RUNDC3B: variants seen among roughly 807,000 people sequenced by gnomAD.
RUNDC3B encodes RUN domain-containing protein 3B.
RUNDC3B carries 33 observed loss-of-function variants against 58.4 expected under a neutral mutation model. The ratio of observed to expected loss-of-function variants is 0.56; its 90% CI spans 0.43 to 0.75. RUNDC3B has a LOEUF of 0.75. Among genes scored for constraint, RUNDC3B ranks in the 30% least tolerant of loss-of-function variants. The pLI, the probability that RUNDC3B is intolerant of heterozygous loss-of-function variation, is 0.00. For synonymous variants in RUNDC3B, 193 were observed against 195.2 expected, an observed-to-expected ratio of 0.99 and a Z score of 0.10; for missense variants, 501 against 535.7, an observed-to-expected ratio of 0.94 and a Z score of 0.64.
intron 7 of RUNDC3B, among the ~76,000 whole-genome samples, chr7:87,777,336 G>A (rs984920403): frequency 2.0e-5 from 3 of 152,338 alleles, no homozygotes; most frequent in African/African-American, 2.4e-5. Context: ...AGGACACATA[G>A]CTGATAAGTG....
chr7:87,798,366 G>A lies in RUNDC3B; in HGVS notation c.957-9007G>A, dbSNP rs573059753. Among the ~76,000 whole-genome samples the A allele has an allele frequency of 2.6e-5, 4 of 152,232 alleles. No individual in the cohort carries two copies. The East Asian group carries it at 7.7e-4, about 29-fold the overall frequency. ...CCTCCCCATAGGTCACCCATTTTCT[G>A]TATGATATTACAAAACACTTCTTGT... On this transcript the variant is annotated intron_variant, in intron 8 of 10. Transcript: ENST00000394654.
chr7:87,706,436 A>G (rs531394200), intron 3 of RUNDC3B, among the ~76,000 whole-genome samples: 13 of 152,312 alleles, frequency 8.5e-5, no homozygotes, highest in African/African-American at 2.6e-4. Context: ...GTCGATCCCA[A>G]AGGTAAGAAA....
chr7:87,796,780 C>T (rs1403841488), intron 8 of RUNDC3B, among the ~76,000 whole-genome samples: 1 of 152,098 alleles, frequency 6.6e-6, no homozygotes, highest in African/African-American at 2.4e-5. Context: ...TACTACTAGA[C>T]CTGCCTTGCA....
intron 6 of RUNDC3B, among the ~76,000 whole-genome samples, chr7:87,768,171 A>G (rs899013618): frequency 2.0e-5 from 3 of 152,154 alleles, no homozygotes; most frequent in African/African-American, 7.2e-5. Flanking sequence ...CTGCATCTGC[A>G]GTAGTAGGTC....
chr7:87,818,598 G>A (rs1272119973), intron 10 of RUNDC3B, among the ~76,000 whole-genome samples: 2 of 152,116 alleles, frequency 1.3e-5, no homozygotes, highest in African/African-American at 4.8e-5. Flanking sequence ...CAAAACCCAA[G>A]CTTTCAGCAT....
At chr7:87,791,721 A>T (rs1287208351) in intron 8 of RUNDC3B, among the ~76,000 whole-genome samples, 1 of 152,136 alleles carries the variant, frequency 6.6e-6, no homozygotes, top group Non-Finnish European at 1.5e-5. Context: ...AAACAGATAC[A>T]CAAAAAATAA....
At chr7:87,785,375 G>A (rs556320311) in intron 8 of RUNDC3B, among the ~76,000 whole-genome samples, 1 of 152,198 alleles carries the variant, frequency 6.6e-6, no homozygotes, top group Admixed American at 6.5e-5. Flanking sequence ...TGTGTTCTGA[G>A]TGGGGGCTCC....
intron 2 of RUNDC3B, among the ~76,000 whole-genome samples, chr7:87,655,497 TATACATGGCATCTAA>T (rs1824005699): frequency 6.6e-6 from 1 of 152,116 alleles, no homozygotes; most frequent in African/African-American, 2.4e-5. Context: ...ATGACTTCCT[TATACATGGCATCTAA>T]AAAAGTTGAA....
chr7:87,750,553 T>C (rs1832913160), intron 6 of RUNDC3B, among the ~76,000 whole-genome samples: 1 of 152,214 alleles, frequency 6.6e-6, no homozygotes, highest in Non-Finnish European at 1.5e-5. Context: ...GTTTCCTGAC[T>C]TTTTAATGAT....
intron 4 of RUNDC3B, among the ~76,000 whole-genome samples, chr7:87,738,740 C>T (rs1338815975): frequency 1.3e-5 from 2 of 151,892 alleles, no homozygotes; most frequent in Admixed American, 6.6e-5. Flanking sequence ...CTAATGATTC[C>T]TTCTGCCTTT....
intron 8 of RUNDC3B, among the ~76,000 whole-genome samples, 172 bp downstream of exon 8, chr7:87,778,127 G>T (rs1041001994): frequency 1.3e-5 from 2 of 152,112 alleles, no homozygotes; most frequent in Non-Finnish European, 2.9e-5. Flanking sequence ...AGTAATCCAT[G>T]TTAATTGCAG....
At chr7:87,736,553 G>T (rs2130803313) in intron 4 of RUNDC3B, among the ~76,000 whole-genome samples, 1 of 151,552 alleles carries the variant, frequency 6.6e-6, no homozygotes, top group African/African-American at 2.4e-5. Flanking sequence ...GGAAACGGTG[G>T]TATACCTAAT....
At chr7:87,821,957 A>T (rs1433211358) in intron 10 of RUNDC3B, among the ~76,000 whole-genome samples, 3 of 151,066 alleles carry the variant, frequency 2.0e-5, no homozygotes, top group African/African-American at 7.3e-5. Context: ...AACCTAGGCA[A>T]TACCATTCAG....
chr7:87,764,961 T>A (rs1014057251), intron 6 of RUNDC3B, among the ~76,000 whole-genome samples: 19 of 152,042 alleles, frequency 1.2e-4, no homozygotes, highest in East Asian at 3.9e-4. Context: ...AGATTTTTTT[T>A]AATTACTGGT....
chr7:87,695,385 G>A (rs1828411056), intron 2 of RUNDC3B, among the ~76,000 whole-genome samples: 1 of 152,034 alleles, frequency 6.6e-6, no homozygotes, highest in South Asian at 2.1e-4. Context: ...TTATAAATTA[G>A]CAGTAAGAAA....
At chr7:87,676,595 T>C (rs927213664) in intron 2 of RUNDC3B, among the ~76,000 whole-genome samples, 1 of 148,980 alleles carries the variant, frequency 6.7e-6, no homozygotes, top group African/African-American at 2.5e-5. Flanking sequence ...TCCCAGCTAC[T>C]CAGGAGGCTG....
chr7:87,737,991 G>A (rs1470001764), intron 4 of RUNDC3B, among the ~76,000 whole-genome samples: 1 of 151,910 alleles, frequency 6.6e-6, no homozygotes, highest in Non-Finnish European at 1.5e-5. Context: ...CTAGTACAAA[G>A]GTGCCATTAG....
intron 4 of RUNDC3B, among the ~76,000 whole-genome samples, chr7:87,714,614 G>T (rs1830379396): frequency 6.6e-6 from 1 of 152,048 alleles, no homozygotes; most frequent in South Asian, 2.1e-4. Context: ...ACAAAAGCTG[G>T]TTACAAACAA....
intron 1 of RUNDC3B, among the ~76,000 whole-genome samples, chr7:87,648,184 C>CAAAAAA (rs138383809): frequency 1.4e-4 from 9 of 65,460 alleles, no homozygotes; most frequent in Non-Finnish European, 2.7e-4. Flanking sequence ...GACTCTGTCT[C>CAAAAAA]AAAAAAAAAA....
Sources: gnomAD v4.1 joint callset for allele counts (sites outside exome capture counted in the v4.1 genomes callset) on GRCh38, gnomAD v4.1.1 for gene constraint, MANE v1.5 for transcripts, NCBI Gene and HGNC (gene_info 2026-07-23, HGNC 2026-07-21) for gene names.